The following FAM168A variants were observed in gnomAD, a reference collection of about 807,000 sequenced individuals.
The protein encoded by FAM168A is family with sequence similarity 168 member A.
FAM168A carries 3 observed loss-of-function variants against 28.5 expected under a neutral mutation model. That is an observed-to-expected ratio of 0.11 (90% CI 0.05 to 0.27). The LOEUF is 0.27. FAM168A is among the 10% of genes least tolerant of loss of function. The probability of loss-of-function intolerance (pLI) is 1.00; values close to 1 mark genes in which losing one functional copy is unlikely to be tolerated. For synonymous variants in FAM168A, 122 were observed against 124.2 expected, an observed-to-expected ratio of 0.98 and a Z score of 0.12; for missense variants, 222 against 311.5, an observed-to-expected ratio of 0.71 and a Z score of 2.16.
At chr11:73,584,567 G>A (rs143716937) in intron 1 of FAM168A, among the ~76,000 whole-genome samples, 2,716 of 148,756 alleles carry the variant, frequency 0.018, 64 homozygotes, top group African/African-American at 0.056. Flanking sequence ...ATCGCCTCCC[G>A]GGTTCACGCC....
chr11:73,513,033 A>C (rs1394128388), intron 1 of FAM168A, among the ~76,000 whole-genome samples: 1 of 152,114 alleles, frequency 6.6e-6, no homozygotes, highest in East Asian at 1.9e-4. Context: ...ATCTGCCGTA[A>C]AGTAGTCTGG....
At chr11:73,565,112 A>G (rs1434951893) in intron 1 of FAM168A, among the ~76,000 whole-genome samples, 1 of 152,220 alleles carries the variant, frequency 6.6e-6, no homozygotes, top group Non-Finnish European at 1.5e-5. Flanking sequence ...AAAATTGCTC[A>G]GCACTTAAGT....
intron 2 of FAM168A, among the ~76,000 whole-genome samples, chr11:73,445,419 C>CTCTT (rs776745757): frequency 1.4e-4 from 7 of 50,432 alleles, no homozygotes; most frequent in Admixed American, 3.2e-4. Context: ...AAAAATGTCT[C>CTCTT]TTTTTTTTTT....
intron 1 of FAM168A, among the ~76,000 whole-genome samples, chr11:73,549,913 T>C (rs1029658993): frequency 1.3e-5 from 2 of 152,358 alleles, no homozygotes; most frequent in East Asian, 1.9e-4. Flanking sequence ...GCTTATTTCT[T>C]GCTTCAGGTT....
chr11:73,533,514 G>GA (rs1416654079), intron 1 of FAM168A, among the ~76,000 whole-genome samples: 1 of 151,632 alleles, frequency 6.6e-6, no homozygotes, highest in African/African-American at 2.4e-5. Flanking sequence ...GACCAAGTAA[G>GA]AAAGGAGAAC....
chr11:73,454,053 G>T (rs1196319074), intron 2 of FAM168A, among the ~76,000 whole-genome samples: 1 of 152,190 alleles, frequency 6.6e-6, no homozygotes, highest in East Asian at 1.9e-4. Flanking sequence ...AAGAATGTCA[G>T]AAGCTCCAGA....
intron 2 of FAM168A, among the ~76,000 whole-genome samples, chr11:73,457,503 T>C (rs1202375078): frequency 6.6e-6 from 1 of 151,404 alleles, no homozygotes; most frequent in Non-Finnish European, 1.5e-5. Flanking sequence ...TTTCTGTTGA[T>C]GAAAAAGTTC....
intron 4 of FAM168A, among the ~76,000 whole-genome samples, chr11:73,415,988 C>T (rs1429199587): frequency 6.6e-6 from 1 of 152,186 alleles, no homozygotes; most frequent in Non-Finnish European, 1.5e-5. Context: ...CACAGCTAGG[C>T]CCAAAGTTCA....
intron 2 of FAM168A, among the ~76,000 whole-genome samples, chr11:73,464,187 TAA>T (rs60981662): frequency 9.5e-5 from 13 of 136,562 alleles, no homozygotes; most frequent in African/African-American, 3.2e-4. Flanking sequence ...GAATTGTTAT[TAA>T]AAAAAAAAAA....
intron 2 of FAM168A, among the ~76,000 whole-genome samples, chr11:73,431,341 G>A (rs1335429275): frequency 1.3e-5 from 2 of 151,670 alleles, no homozygotes; most frequent in South Asian, 2.1e-4. Flanking sequence ...GACTCCATCC[G>A]CTGCCCCCCA....
At chr11:73,485,491 T>C (rs775804219) in intron 1 of FAM168A, among the ~76,000 whole-genome samples, 7 of 152,214 alleles carry the variant, frequency 4.6e-5, no homozygotes, top group Non-Finnish European at 7.3e-5. Flanking sequence ...GAATGAATGA[T>C]AGACAATCTG....
At chr11:73,454,957 C>T (rs774278407) in intron 2 of FAM168A, among the ~76,000 whole-genome samples, 16 of 152,288 alleles carry the variant, frequency 1.1e-4, no homozygotes, top group Middle Eastern at 3.4e-3. Flanking sequence ...TTGGGAGCCA[C>T]GAGTGTGGAT....
At chr11:73,514,290 T>A (rs991851173) in intron 1 of FAM168A, among the ~76,000 whole-genome samples, 5 of 152,178 alleles carry the variant, frequency 3.3e-5, no homozygotes, top group Non-Finnish European at 7.3e-5. Flanking sequence ...AGAGTTGTTA[T>A]GATAGTTAAA....
At chr11:73,473,051 C>G (rs1177339765) in intron 1 of FAM168A, among the ~76,000 whole-genome samples, 1 of 152,084 alleles carries the variant, frequency 6.6e-6, no homozygotes, top group Non-Finnish European at 1.5e-5. Flanking sequence ...TAAATACTAC[C>G]CCTACTACCA....
In FAM168A at chr11:73,404,868, A is replaced by G. The variant is rs1866474068; in HGVS notation, c.*1895T>C. 6.6e-6 allele frequency: 1 copy of G among 152,266 alleles called. No individual in the cohort carries two copies. Among genetic ancestry groups the G allele is most frequent in the South Asian group, 2.1e-4 (1 of 4,836 alleles). 9.4% of individuals were successfully genotyped at this position (152,266 alleles called of 1,614,324 possible). The stretch of plus-strand genomic sequence containing the variant: ...GAATTTTAAATGAAAGCAGTTTTTT[A>G]AAGTCCCAAATGTTGTCAATGATCC... On this transcript the variant is annotated 3_prime_UTR_variant, in exon 8 of 8. Transcript: ENST00000356467.
In FAM168A at chr11:73,445,029, G is replaced by A. The variant is rs188133080; in HGVS notation, c.71-14259C>T. Among the ~76,000 whole-genome samples, 448 of 152,298 alleles carry A rather than the reference G, an allele frequency of 2.9e-3. 4 individuals are homozygous for A. Among genetic ancestry groups the A allele is most frequent in the South Asian group, 0.013 (65 of 4,822 alleles). ...AATCCCAACATTTTGGGAGGCCGAG[G>A]TGGGTGGATCACCTGAGGTCGGGAG... On this transcript the variant is annotated intron_variant, in intron 2 of 7. Transcript: ENST00000356467.
chr11:73,432,388 T>C (rs1451385694), intron 2 of FAM168A, among the ~76,000 whole-genome samples: 1 of 152,166 alleles, frequency 6.6e-6, no homozygotes, highest in Non-Finnish European at 1.5e-5. Flanking sequence ...TTACATTCCC[T>C]CCAGCAATGC....
intron 1 of FAM168A, among the ~76,000 whole-genome samples, chr11:73,564,915 G>A (rs1944004702): frequency 6.6e-6 from 1 of 151,472 alleles, no homozygotes; most frequent in Non-Finnish European, 1.5e-5. Context: ...TCTTCAAAGA[G>A]GTGGTACTGA....
chr11:73,426,703 CTGTGTG>C lies in FAM168A; in HGVS notation c.151+3981_151+3986del, dbSNP rs34499254. Reference sequence around the variant, plus strand: ...TGTGTGTGTAGGATTCCAAAATATGCTGTGTGTGTGTGTGTGTGTGTGTGTGTGTGT... The same window carrying C: ...TGTGTGTGTAGGATTCCAAAATATGCTGTGTGTGTGTGTGTGTGTGTGTGT... On this transcript the variant is annotated intron_variant, in intron 3 of 7. Coordinates refer to ENST00000356467, the MANE Select transcript of FAM168A (RefSeq NM_015159.3). Among the ~76,000 whole-genome samples the C allele has an allele frequency of 3.5e-3, 506 of 144,294 alleles. 3 individuals carry two copies. The highest frequency in any genetic ancestry group is 0.011 in the African/African-American group (442 of 39,010). The allele number at this position is 144,294 out of a possible 152,430, so 94.7% of individuals were successfully genotyped here.
Sources: gnomAD v4.1 joint callset for allele counts (sites outside exome capture counted in the v4.1 genomes callset) on GRCh38, gnomAD v4.1.1 for gene constraint, MANE v1.5 for transcripts, NCBI Gene and HGNC (gene_info 2026-07-23, HGNC 2026-07-21) for gene names.